SCHIP1: variants seen among roughly 807,000 people sequenced by gnomAD.
SCHIP1 encodes the protein schwannomin interacting protein 1.
A neutral mutation model predicts 29.7 loss-of-function variants in SCHIP1; 8 were observed. The ratio of observed to expected loss-of-function variants is 0.27; its 90% CI spans 0.16 to 0.49. SCHIP1 has a LOEUF of 0.49. SCHIP1 is among the 20% of genes least tolerant of loss of function. The pLI, the probability that SCHIP1 is intolerant of heterozygous loss-of-function variation, is 0.99. For synonymous variants in SCHIP1, 76 were observed against 94.9 expected (o/e 0.80, Z 1.16); for missense variants, 193 against 294.6 (o/e 0.66, Z 2.52).
the SCHIP1 span, among the ~76,000 whole-genome samples, chr3:159,379,714 A>G: frequency 6.6e-6 from 1 of 152,318 alleles, no homozygotes; most frequent in South Asian, 2.1e-4. Context: ...TATGGACACC[A>G]TAGTGGCAAT....
At chr3:159,404,920 C>T in the SCHIP1 span, among the ~76,000 whole-genome samples, 1 of 152,184 alleles carries the variant, frequency 6.6e-6, no homozygotes, top group African/African-American at 2.4e-5. Context: ...CCTCCCTCAC[C>T]TCCAGGAAAT....
At chr3:159,887,003 C>G (rs1286230986) in intron 3 of SCHIP1, 1 of 152,870 alleles carries the variant, frequency 6.5e-6, no homozygotes, top group Admixed American at 6.5e-5. Context: ...ATTCAATTAC[C>G]TCCCACTGGG....
chr3:159,874,933 A>G (rs1715636289), intron 2 of SCHIP1, among the ~76,000 whole-genome samples: 1 of 151,774 alleles, frequency 6.6e-6, no homozygotes, highest in South Asian at 2.1e-4. Context: ...CCCTTCATAT[A>G]AGTATTTCCA....
At chr3:159,337,062 G>A in the SCHIP1 span, among the ~76,000 whole-genome samples, 20 of 152,064 alleles carry the variant, frequency 1.3e-4, no homozygotes, top group African/African-American at 3.9e-4. Context: ...ATCAATAAAC[G>A]TAATCCAGCA....
chr3:159,447,032 G>A, the SCHIP1 span, among the ~76,000 whole-genome samples: 912 of 152,262 alleles, frequency 6.0e-3, 9 homozygotes, highest in African/African-American at 0.021. Flanking sequence ...TGATATGAGT[G>A]TAAAAGGAAA....
At chr3:159,313,653 A>C in the SCHIP1 span, among the ~76,000 whole-genome samples, 15 of 152,308 alleles carry the variant, frequency 9.8e-5, no homozygotes, top group South Asian at 4.1e-4. Flanking sequence ...TCAAAGTAAG[A>C]AATTCAAACT....
chr3:159,424,931 C>T, the SCHIP1 span, among the ~76,000 whole-genome samples: 2 of 151,896 alleles, frequency 1.3e-5, no homozygotes, highest in African/African-American at 4.8e-5. Context: ...ATTTCATATC[C>T]AGCCAAACTA....
At chr3:159,493,658 C>G in the SCHIP1 span, among the ~76,000 whole-genome samples, 48 of 150,748 alleles carry the variant, frequency 3.2e-4, no homozygotes, top group Non-Finnish European at 5.5e-4. Context: ...TAATGGGAGA[C>G]TTTAACACCC....
At chr3:159,640,494 T>C in the SCHIP1 span, among the ~76,000 whole-genome samples, 1 of 152,194 alleles carries the variant, frequency 6.6e-6, no homozygotes, top group African/African-American at 2.4e-5. Context: ...TGTTGGTTTT[T>C]CTATCCATAT....
chr3:159,490,488 T>A, the SCHIP1 span, among the ~76,000 whole-genome samples: 2 of 152,230 alleles, frequency 1.3e-5, no homozygotes, highest in African/African-American at 4.8e-5. Context: ...TATAGCTAGA[T>A]GTGTCATTAC....
chr3:159,322,809 A>T, the SCHIP1 span, among the ~76,000 whole-genome samples: 5 of 152,234 alleles, frequency 3.3e-5, no homozygotes, highest in Non-Finnish European at 5.9e-5. Flanking sequence ...TGAGGTGGAA[A>T]AAAGAAAAGG....
the SCHIP1 span, among the ~76,000 whole-genome samples, chr3:159,389,484 A>C: frequency 2.6e-5 from 4 of 151,978 alleles, no homozygotes; most frequent in African/African-American, 9.7e-5. Context: ...CTGCTTGGTC[A>C]CTCTTTAAAA....
At chr3:159,660,389 A>G in the SCHIP1 span, among the ~76,000 whole-genome samples, 744 of 152,312 alleles carry the variant, frequency 4.9e-3, no homozygotes, top group Middle Eastern at 0.01. Context: ...ATAGTGTTCC[A>G]AATGAAAGCG....
chr3:159,862,643 C>CT (rs1714183302), intron 1 of SCHIP1, among the ~76,000 whole-genome samples: 1 of 152,136 alleles, frequency 6.6e-6, no homozygotes, highest in Non-Finnish European at 1.5e-5. Context: ...GACAAATACT[C>CT]TACTATAAAA....
At chr3:159,677,651 C>G in the SCHIP1 span, among the ~76,000 whole-genome samples, 2 of 152,122 alleles carry the variant, frequency 1.3e-5, no homozygotes, top group African/African-American at 4.8e-5. Context: ...CCATCTGTAC[C>G]CCTGTCCTGG....
the SCHIP1 span, among the ~76,000 whole-genome samples, chr3:159,499,369 A>G: frequency 6.6e-6 from 1 of 152,170 alleles, no homozygotes; most frequent in Non-Finnish European, 1.5e-5. Context: ...TCCATCGCCT[A>G]AGGTATGGTA....
chr3:159,426,841 C>G, the SCHIP1 span, among the ~76,000 whole-genome samples: 23 of 152,180 alleles, frequency 1.5e-4, no homozygotes, highest in African/African-American at 5.6e-4. Flanking sequence ...CCACCATGAT[C>G]AAGTGGGTTT....
At chr3:159,361,472 G>A in the SCHIP1 span, among the ~76,000 whole-genome samples, 1 of 152,158 alleles carries the variant, frequency 6.6e-6, no homozygotes, top group African/African-American at 2.4e-5. Flanking sequence ...AAATAATTAG[G>A]GGATGGAGAA....
Position 159,883,826 on chromosome 3 carries a change from C to T in SCHIP1, c.150-2381C>T, listed in dbSNP as rs543917955. ...CTACCTGCGGCGTTTTTTGATTTTA[C>T]GCAGACTACTAAATCTCCCCCAACT... On this transcript the variant is annotated intron_variant, in intron 2 of 6. Coordinates refer to ENST00000445224, the Ensembl canonical transcript of SCHIP1. Among the ~76,000 whole-genome samples the T allele has an allele frequency of 7.3e-5, 11 of 151,346 alleles. No homozygotes were observed. In the South Asian group the frequency reaches 1.1e-3, roughly 15 times the overall value.
Sources: allele counts gnomAD v4.1 joint callset (sites outside exome capture counted in the v4.1 genomes callset), GRCh38; gene constraint gnomAD v4.1.1; transcripts MANE v1.5; gene names NCBI Gene and HGNC (gene_info 2026-07-23, HGNC 2026-07-21).